WDFY3: variants seen among roughly 807,000 people sequenced by gnomAD.
WDFY3 encodes WD repeat and FYVE domain-containing protein 3.
A neutral mutation model predicts 409.6 loss-of-function variants in WDFY3; 66 were observed. The ratio of observed to expected loss-of-function variants is 0.16; its 90% CI spans 0.13 to 0.20. The LOEUF is 0.20. Ranked by LOEUF, WDFY3 falls within the 10% of genes least tolerant of loss-of-function variation. The pLI is 1.00. For synonymous variants in WDFY3, 1,521 were observed against 1,537.1 expected (o/e 0.99, Z 0.25); for missense variants, 3,031 against 4,298.1 (o/e 0.71, Z 8.24).
intron 54 of WDFY3, among the ~76,000 whole-genome samples, chr4:84,705,136 C>T (rs1731717644): frequency 6.6e-6 from 1 of 152,102 alleles, no homozygotes; most frequent in African/African-American, 2.4e-5. Flanking sequence ...GAAATTTCTG[C>T]CCTATGCAAA....
chr4:84,702,040 G>A (rs1321530000), intron 56 of WDFY3, among the ~76,000 whole-genome samples: 1 of 152,102 alleles, frequency 6.6e-6, no homozygotes, highest in Non-Finnish European at 1.5e-5. Flanking sequence ...ACGGAGTCTC[G>A]CTCTGTTGCC....
intron 44 of WDFY3, among the ~76,000 whole-genome samples, chr4:84,730,317 CT>C (rs1229314591): frequency 1.3e-5 from 2 of 152,132 alleles, no homozygotes; most frequent in African/African-American, 4.8e-5. Flanking sequence ...GGAAAAAAGT[CT>C]ATAACTTAGG....
Position 84,801,524 on chromosome 4 carries a change from T to C in WDFY3, c.2822+126A>G, listed in dbSNP as rs113144741. On this transcript the variant is annotated intron_variant, in intron 17 of 67. Coordinates refer to ENST00000295888, the MANE Select transcript of WDFY3 (RefSeq NM_014991.6). ...TGCCATATTTTGAGTATTTTGTCCA[T>C]TTTTGTTATATTTTGCCCATAGATA... 86 of 938,050 alleles carry C rather than the reference T, an allele frequency of 9.2e-5. 1 individual carries two copies. In the African/African-American group the frequency reaches 1.1e-3, roughly 12 times the overall value. 58.1% of individuals were successfully genotyped at this position (938,050 alleles called of 1,614,324 possible).
chr4:84,699,042 C>A (rs929517644), intron 56 of WDFY3, among the ~76,000 whole-genome samples: 1 of 151,616 alleles, frequency 6.6e-6, no homozygotes. Context: ...AAGAGGCAAA[C>A]TGTTTTTTTT....
intron 1 of WDFY3, among the ~76,000 whole-genome samples, chr4:84,932,638 A>G (rs1465627567): frequency 6.6e-6 from 1 of 152,228 alleles, no homozygotes; most frequent in African/African-American, 2.4e-5. Context: ...CAAAGAATCA[A>G]TGACAACACA....
At chr4:84,769,394 G>T (rs1744232762) in intron 30 of WDFY3, among the ~76,000 whole-genome samples, 2 of 151,988 alleles carry the variant, frequency 1.3e-5, no homozygotes, top group Non-Finnish European at 2.9e-5. Context: ...TAACTATATT[G>T]TCTTTTTTTG....
At chr4:84,762,900 C>G (rs1235904954) in intron 32 of WDFY3, among the ~76,000 whole-genome samples, 1 of 151,872 alleles carries the variant, frequency 6.6e-6, no homozygotes, top group Admixed American at 6.6e-5. Context: ...CTGCTTGAGC[C>G]CAGGAGCTTA....
chr4:84,965,728 C>CGCGCTCGGCT (rs1232157036), intron 1 of WDFY3: 2 of 152,286 alleles, frequency 1.3e-5, no homozygotes, highest in African/African-American at 2.4e-5. Flanking sequence ...GGATGGAGGC[C>CGCGCTCGGCT]GCGCTCGGCT....
intron 48 of WDFY3, among the ~76,000 whole-genome samples, chr4:84,717,811 G>A (rs1032887406): frequency 9.9e-5 from 15 of 152,196 alleles, no homozygotes; most frequent in Middle Eastern, 3.4e-3. Flanking sequence ...CACTTTGGGA[G>A]GCCGAGGCGG....
chr4:84,965,683 G>C (rs1775564897), intron 1 of WDFY3: 1 of 152,276 alleles, frequency 6.6e-6, no homozygotes, highest in Admixed American at 6.5e-5. Context: ...AGGGCGTAGG[G>C]GGAGAGGCCC....
In WDFY3 at chr4:84,857,715, G is replaced by A. The variant is rs79751151; in HGVS notation, c.180+2697C>T. 2.5e-3 allele frequency among the ~76,000 whole-genome samples: 375 copies of A among 151,982 alleles called. 1 individual carries two copies. The highest frequency in any genetic ancestry group is 8.5e-3 in the African/African-American group (354 of 41,446). On this transcript the variant is annotated intron_variant, in intron 4 of 67. Transcript: ENST00000295888. The stretch of plus-strand genomic sequence containing the variant: ...TAAACCTTTCCCCACCTCTTCTCAC[G>A]TTCCTACTCTACCATCTCCTCCCTC...
chr4:84,695,904 T>G, intron 58 of WDFY3, 66 bp downstream of exon 58: 1 of 1,450,344 alleles, frequency 6.9e-7, no homozygotes, highest in East Asian at 2.3e-5. Flanking sequence ...TGTGGTAATC[T>G]ACAATCTAGA....
intron 24 of WDFY3, among the ~76,000 whole-genome samples, chr4:84,783,911 T>A (rs536411307): frequency 6.6e-6 from 1 of 150,442 alleles, no homozygotes; most frequent in Non-Finnish European, 1.5e-5. Context: ...AAGCTCTGCG[T>A]AAGAGTTGTC....
intron 13 of WDFY3, among the ~76,000 whole-genome samples, chr4:84,811,474 G>A (rs183293562): frequency 6.6e-6 from 1 of 152,014 alleles, no homozygotes; most frequent in African/African-American, 2.4e-5. Context: ...GGCCCAATGT[G>A]GTAAAATAAC....
In WDFY3 at chr4:84,679,078, C is replaced by T. The variant is rs757248160; in HGVS notation, c.9988G>A (p.Asp3330Asn). Residue 3330 changes from aspartate to asparagine, a missense_variant, in exon 65 of 68, where the codon GAC (aspartate) becomes AAC (asparagine). Coordinates refer to ENST00000295888, the MANE Select transcript of WDFY3 (RefSeq NM_014991.6). ...AAWCTDSGSD[D>N]SRRWSDQLSL... is the part of the protein sequence containing the mutation. ...AGCTGGTCGGACCAGCGTCTGGAGT[C>T]GTCAGAGCCACTGTCAGTACACCAG... The T allele has an allele frequency of 1.5e-5, 25 of 1,614,066 alleles. No individual in the cohort carries two copies. Among genetic ancestry groups the T allele is most frequent in the East Asian group, 4.5e-5 (2 of 44,888 alleles).
chr4:84,815,204 G>C (rs1237171864), intron 13 of WDFY3, among the ~76,000 whole-genome samples: 2 of 152,218 alleles, frequency 1.3e-5, no homozygotes, highest in East Asian at 3.9e-4. Context: ...TGGTTTGTCT[G>C]TTATTATTTT....
At position 84,740,288 on chromosome 4, in the gene WDFY3, C is replaced by G. The variant is rs745880048; in HGVS notation, c.6363G>C (p.Arg2121Ser). The G allele has an allele frequency of 6.2e-6, 10 of 1,613,762 alleles. No individual in the cohort carries two copies. The highest frequency in any genetic ancestry group is 1.3e-5 in the African/African-American group (1 of 74,810). Residue 2121 changes from arginine to serine, a missense_variant, in exon 39 of 68, where the codon AGG (arginine) becomes AGC (serine). Arg to Ser is a moderately radical substitution (Grantham distance 110, BLOSUM62 -1). Transcript: ENST00000295888. Reference protein sequence around the residue: ...PQQVALLDSLRVLTVNRNLIL... With the variant: ...PQQVALLDSLSVLTVNRNLIL... Reference sequence around the variant, plus strand: ...TCAAGTTTCTGTTTACAGTGAGGACCCTGAGTGAATCAAGCAGAGCTACTT... The same window carrying G: ...TCAAGTTTCTGTTTACAGTGAGGACGCTGAGTGAATCAAGCAGAGCTACTT...
chr4:84,937,928 G>C (rs1393205770), intron 1 of WDFY3, among the ~76,000 whole-genome samples: 2 of 152,196 alleles, frequency 1.3e-5, no homozygotes, highest in South Asian at 4.2e-4. Flanking sequence ...AAGACCCCCA[G>C]TACATTTTTC....
At chr4:84,931,324 T>G (rs541792864) in intron 2 of WDFY3, among the ~76,000 whole-genome samples, 9 of 152,284 alleles carry the variant, frequency 5.9e-5, no homozygotes, top group Admixed American at 3.9e-4. Context: ...AAGCCACAAT[T>G]TGTCTAAAGG....
Sources: allele counts gnomAD v4.1 joint callset (sites outside exome capture counted in the v4.1 genomes callset), GRCh38; gene constraint gnomAD v4.1.1; transcripts MANE v1.5; gene names NCBI Gene and HGNC (gene_info 2026-07-23, HGNC 2026-07-21).